The following ARHGAP32 variants were observed in gnomAD, a reference collection of about 807,000 sequenced individuals.
ARHGAP32 encodes the protein Rho GTPase activating protein 32, also known as rho GTPase-activating protein 32.
Under a neutral mutation model 186.5 loss-of-function variants are expected in ARHGAP32, and 51 were observed. The observed-to-expected ratio is 0.27, with a 90% confidence interval of 0.22 to 0.35. The LOEUF (loss-of-function observed/expected upper bound fraction) is 0.35, where lower values mean the gene tolerates loss of function less well. Among genes scored for constraint, ARHGAP32 ranks in the 10% least tolerant of loss-of-function variants. ARHGAP32 has a pLI of 1.00. For synonymous variants in ARHGAP32, 950 were observed against 964.3 expected, an observed-to-expected ratio of 0.99 and a Z score of 0.27; for missense variants, 2,186 against 2,623.5, an observed-to-expected ratio of 0.83 and a Z score of 3.64.
intron 10 of ARHGAP32, among the ~76,000 whole-genome samples, chr11:129,045,094 A>G (rs1939756086): frequency 6.6e-6 from 1 of 152,202 alleles, no homozygotes; most frequent in African/African-American, 2.4e-5. Flanking sequence ...ACCTAACTCC[A>G]ATCCCTGCCC....
In ARHGAP32 at chr11:129,208,572, AAAC is replaced by A. The variant is rs1302688063; in HGVS notation, c.-4-44148_-4-44146del. On this transcript the variant is annotated intron_variant, in intron 1 of 6. Coordinates refer to the ARHGAP32 transcript ENST00000525234. ...ACAAATTAAGGAGGAGTTCTTAAGT[AAAC>A]AAATGGAAAAGACAATTAATCATGC... is the stretch of plus-strand genomic sequence containing the variant. Among the ~76,000 whole-genome samples, 6 of 152,304 alleles carry A rather than the reference AAAC, an allele frequency of 3.9e-5. No homozygotes were observed. The East Asian group carries it at 1.2e-3, about 29-fold the overall frequency.
At chr11:129,114,702 T>C (rs1159912383) in intron 5 of ARHGAP32, among the ~76,000 whole-genome samples, 2 of 152,138 alleles carry the variant, frequency 1.3e-5, no homozygotes, top group East Asian at 3.8e-4. Context: ...AATTTAATAA[T>C]ATTTCAGTCC....
chr11:129,095,452 C>T (rs1389958064), intron 5 of ARHGAP32, among the ~76,000 whole-genome samples: 1 of 152,214 alleles, frequency 6.6e-6, no homozygotes. Flanking sequence ...CTGATTCCCA[C>T]AGGTACTCAC....
Position 128,966,083 on chromosome 11 carries a change from G to A in ARHGAP32, c.*2824C>T, listed in dbSNP as rs1029019526. The A allele has an allele frequency of 5.3e-5, 8 of 152,176 alleles. No homozygotes were observed. The highest frequency in any genetic ancestry group is 2.9e-5 in the Non-Finnish European group (2 of 68,044). 9.4% of individuals were successfully genotyped at this position (152,176 alleles called of 1,614,324 possible). A position where few individuals can be genotyped will look rare whatever the true frequency, so the allele number is the denominator to read the frequency against. Reference sequence around the variant, plus strand: ...ATTAATAAGAAAATGGCACCTCTGGGATTGTTAGCAAAATTTTTAGCCAGA... The same window carrying A: ...ATTAATAAGAAAATGGCACCTCTGGAATTGTTAGCAAAATTTTTAGCCAGA... On this transcript the variant is annotated 3_prime_UTR_variant, in exon 23 of 23. Transcript: ENST00000682385.
At chr11:128,987,851 GA>G (rs1194037694) in intron 13 of ARHGAP32, among the ~76,000 whole-genome samples, 171 bp downstream of exon 13, 3 of 152,020 alleles carry the variant, frequency 2.0e-5, no homozygotes, top group African/African-American at 7.2e-5. Flanking sequence ...TACTACAGAT[GA>G]AAAAAATGCC....
intron 2 of ARHGAP32, among the ~76,000 whole-genome samples, chr11:129,161,735 C>T (rs182662207): frequency 1.4e-4 from 22 of 152,170 alleles, no homozygotes; most frequent in East Asian, 7.7e-4. Flanking sequence ...GAAGACAGTG[C>T]GGCGATTCCT....
intron 6 of ARHGAP32, among the ~76,000 whole-genome samples, chr11:129,067,746 G>C (rs1671994768): frequency 6.6e-6 from 1 of 151,994 alleles, no homozygotes; most frequent in Non-Finnish European, 1.5e-5. Context: ...AAAATCTGGA[G>C]GGTCTGAAAG....
chr11:129,098,442 G>T (rs574444461), intron 5 of ARHGAP32, among the ~76,000 whole-genome samples: 1 of 148,884 alleles, frequency 6.7e-6, no homozygotes, highest in African/African-American at 2.5e-5. Context: ...TTTTTGAGAC[G>T]GAGTCTTGCT....
chr11:129,237,191 G>C (rs895917803), intron 1 of ARHGAP32, among the ~76,000 whole-genome samples: 7 of 152,044 alleles, frequency 4.6e-5, no homozygotes, highest in African/African-American at 1.7e-4. Context: ...TGTTCATCGG[G>C]GGTACTGGTC....
rs1002002760 is a variant in ARHGAP32, at chr11:128,965,382, T to G, written c.*3525A>C. 6.6e-6 allele frequency: 1 copy of G among 152,140 alleles called. No individual in the cohort carries two copies. Among genetic ancestry groups the G allele is most frequent in the Non-Finnish European group, 1.5e-5 (1 of 68,022 alleles). 9.4% of individuals were successfully genotyped at this position (152,140 alleles called of 1,614,324 possible). On this transcript the variant is annotated 3_prime_UTR_variant, in exon 23 of 23. Transcript: ENST00000682385. Reference sequence around the variant, plus strand: ...AAAATATTAAGACATAAAAAAACACTATATAAATTAAAATTAAAAACTCAA... The same window carrying G: ...AAAATATTAAGACATAAAAAAACACGATATAAATTAAAATTAAAAACTCAA...
chr11:129,164,562 G>C, intron 1 of ARHGAP32, 135 bp from the exon 2 acceptor site: 2 of 581,942 alleles, frequency 3.4e-6, no homozygotes, highest in Non-Finnish European at 6.0e-6. Flanking sequence ...CTGAATAGCA[G>C]TGATCCTTTA....
At chr11:129,086,390 A>G (rs1385091671) in intron 6 of ARHGAP32, among the ~76,000 whole-genome samples, 2 of 152,244 alleles carry the variant, frequency 1.3e-5, no homozygotes, top group Non-Finnish European at 2.9e-5. Flanking sequence ...GATATTTTTA[A>G]AAAACACAAA....
chr11:129,020,080 A>C (rs1381157636), intron 11 of ARHGAP32, among the ~76,000 whole-genome samples: 2 of 152,114 alleles, frequency 1.3e-5, no homozygotes, highest in Non-Finnish European at 2.9e-5. Context: ...GAATGTATGA[A>C]GTGTCAATAG....
chr11:129,222,722 G>A (rs1207993410), intron 1 of ARHGAP32, among the ~76,000 whole-genome samples: 1 of 152,090 alleles, frequency 6.6e-6, no homozygotes, highest in African/African-American at 2.4e-5. Context: ...CTGATTTTAT[G>A]CAAAATTTTT....
rs915955335 is a variant in ARHGAP32, at chr11:129,223,905, A to AT, written c.-5+55240dup. On this transcript the variant is annotated intron_variant, in intron 1 of 6. Coordinates refer to the ARHGAP32 transcript ENST00000525234. ...TGCCCAGATAAGATACTTAAATCAC[A>AT]TTTTGGGACTACTTGAAGTAAATAT... 3.2e-4 allele frequency among the ~76,000 whole-genome samples: 49 copies of AT among 152,220 alleles called. 1 individual carries two copies. The highest frequency in any genetic ancestry group is 2.7e-3 in the Admixed American group (42 of 15,276).
chr11:129,248,714 A>G (rs553065164), intron 1 of ARHGAP32, among the ~76,000 whole-genome samples: 1 of 152,204 alleles, frequency 6.6e-6, no homozygotes, highest in African/African-American at 2.4e-5. Flanking sequence ...TATACTTCCA[A>G]AAACCTGACT....
At chr11:129,093,806 G>C (rs929692748) in intron 5 of ARHGAP32, 99 bp from the exon 6 acceptor site, 3 of 795,822 alleles carry the variant, frequency 3.8e-6, no homozygotes, top group Admixed American at 2.3e-5. Context: ...ATCTCCGGGT[G>C]AGCATCAGCT....
chr11:129,022,197 T>C (rs993809634), intron 11 of ARHGAP32, among the ~76,000 whole-genome samples: 1 of 152,090 alleles, frequency 6.6e-6, no homozygotes, highest in Non-Finnish European at 1.5e-5. Flanking sequence ...GTTCTAGAAA[T>C]TGGAAAACTT....
At chr11:129,098,160 C>T (rs1016174360) in intron 5 of ARHGAP32, among the ~76,000 whole-genome samples, 5 of 152,160 alleles carry the variant, frequency 3.3e-5, no homozygotes, top group African/African-American at 7.2e-5. Context: ...TCAGTTACCA[C>T]TAGACCTGCC....
Sources: allele counts gnomAD v4.1 joint callset (sites outside exome capture counted in the v4.1 genomes callset), GRCh38; gene constraint gnomAD v4.1.1; transcripts MANE v1.5; gene names NCBI Gene and HGNC (gene_info 2026-07-23, HGNC 2026-07-21).